Variants in NBPF26 observed in about 807,000 individuals in gnomAD.
The protein encoded by NBPF26 is NBPF member 26, also known as NBPF family member NBPF26.
A neutral mutation model predicts 119.6 loss-of-function variants in NBPF26; 79 were observed. The observed-to-expected ratio is 0.66, with a 90% CI of 0.55 to 0.80. The LOEUF (loss-of-function observed/expected upper bound fraction) is 0.80, where lower values mean the gene tolerates loss of function less well. Among genes scored for constraint, NBPF26 ranks in the 30% least tolerant of loss-of-function variants. The probability of loss-of-function intolerance (pLI) is 0.00; values close to 1 mark genes in which losing one functional copy is unlikely to be tolerated. For synonymous variants in NBPF26, 299 were observed against 457.7 expected, an observed-to-expected ratio of 0.65 and a Z score of 4.43; for missense variants, 800 against 1,198.2, an observed-to-expected ratio of 0.67 and a Z score of 4.91.
At chr1:120,793,296 A>G (rs1651514195) in exon 4 of NBPF26, 1 of 1,393,956 alleles carries the variant, frequency 7.2e-7, no homozygotes, top group Admixed American at 2.0e-5. Context: ...ACTGATGTCA[A>G]TGAGTGTGAC....
Position 120,815,274 on chromosome 1 carries a change from C to T in NBPF26, c.2092+231C>T, listed in dbSNP as rs1553271625. Among the ~76,000 whole-genome samples, 197 of 115,950 alleles carry T rather than the reference C, an allele frequency of 1.7e-3. 46 individuals carry two copies. Among genetic ancestry groups the T allele is most frequent in the Middle Eastern group, 0.011 (3 of 264 alleles). 76.1% of individuals were successfully genotyped at this position (115,950 alleles called of 152,430 possible). On this transcript the variant is annotated intron_variant, in intron 12 of 29. Coordinates refer to ENST00000620612, the Ensembl canonical transcript of NBPF26. The stretch of plus-strand genomic sequence containing the variant: ...CCTTGATGGAAGGTGGTCTTTGGAG[C>T]AAGAGGCAGCATCTATCTAGTTTTA...
chr1:120,808,395 T>C, intron 6 of NBPF26, 150 bp from the exon 7 acceptor site: 1 of 657,738 alleles, frequency 1.5e-6, no homozygotes, highest in Non-Finnish European at 2.6e-6. Context: ...TTCTATTCTT[T>C]CTCTTGGCCA....
At chr1:120,785,255 A>G (rs1651413008) in intron 3 of NBPF26, 22 bp downstream of exon 3, 1 of 1,443,398 alleles carries the variant, frequency 6.9e-7, no homozygotes, top group Non-Finnish European at 9.3e-7. Flanking sequence ...GACCAAAGCC[A>G]GTGCTTCCCT....
At position 120,788,089 on chromosome 1, in the gene NBPF26, G is replaced by A. The variant is rs1264439630; in HGVS notation, c.415+2856G>A. On this transcript the variant is annotated intron_variant, in intron 3 of 29. Coordinates refer to ENST00000620612, the Ensembl canonical transcript of NBPF26. The stretch of plus-strand genomic sequence containing the variant: ...TCCAGGCGGGACCATTTGTAGTCCC[G>A]CCTGGATTGGGCTGTTGTAGTTGCC... 4.9e-5 allele frequency among the ~76,000 whole-genome samples: 3 copies of A among 60,866 alleles called. 1 individual carries two copies. Among genetic ancestry groups the A allele is most frequent in the African/African-American group, 1.7e-4 (1 of 6,038 alleles). The allele number at this position is 60,866 out of a possible 152,430, so 39.9% of individuals were successfully genotyped here. A position where few individuals can be genotyped will look rare whatever the true frequency, so the allele number is the denominator to read the frequency against.
chr1:120,784,740 G>A (rs1415817356), intron 2 of NBPF26, among the ~76,000 whole-genome samples: 1 of 117,854 alleles, frequency 8.5e-6, no homozygotes, highest in Admixed American at 8.1e-5. Flanking sequence ...CTATTAGAAT[G>A]TAAACTCCAA....
intron 17 of NBPF26, 137 bp from the exon 18 acceptor site, chr1:120,823,837 C>A (rs1652192515): frequency 3.0e-5 from 17 of 564,516 alleles, no homozygotes; most frequent in Non-Finnish European, 5.4e-5. Flanking sequence ...AACATAAAGG[C>A]AATAATCTGT....
intron 2 of NBPF26, among the ~76,000 whole-genome samples, chr1:120,769,589 C>T (rs1651237689): frequency 8.2e-6 from 1 of 121,978 alleles, no homozygotes; most frequent in Admixed American, 7.8e-5. Context: ...TTTTTTGGCT[C>T]ATTAAATACC....
chr1:120,818,592 T>C (rs1177257470), intron 15 of NBPF26, among the ~76,000 whole-genome samples: 1 of 126,826 alleles, frequency 7.9e-6, no homozygotes, highest in Admixed American at 7.6e-5. Flanking sequence ...CAATTTTAGG[T>C]CTTTTCTGCT....
At chr1:120,824,029 G>C in exon 18 of NBPF26, 1 of 627,970 alleles carries the variant, frequency 1.6e-6, no homozygotes, top group Non-Finnish European at 2.7e-6. Flanking sequence ...GGACTCACTG[G>C]ATAGATGTTA....
At chr1:120,792,516 T>G (rs1651502901) in intron 3 of NBPF26, among the ~76,000 whole-genome samples, 1 of 110,806 alleles carries the variant, frequency 9.0e-6, no homozygotes, top group Admixed American at 8.7e-5. Flanking sequence ...ATTTTTTTTT[T>G]TTTGAAATAG....
rs1411828344 is a variant in NBPF26, at chr1:120,768,586, A to T, written c.155+4877A>T. On this transcript the variant is annotated intron_variant, in intron 2 of 29. Coordinates refer to ENST00000620612, the Ensembl canonical transcript of NBPF26. ...CACACTCTTCCTCTTCTGCTGCATG[A>T]ACTGGGGTGTACCTTCACGATAAAA... Among the ~76,000 whole-genome samples, 2 of 109,312 alleles carry T rather than the reference A, an allele frequency of 1.8e-5. 1 individual carries two copies. The highest frequency in any genetic ancestry group is 3.4e-5 in the Non-Finnish European group (2 of 58,902). The allele number at this position is 109,312 out of a possible 152,430, so 71.7% of individuals were successfully genotyped here.
rs1294820929 is a variant in NBPF26, at chr1:120,838,473, A to T, written c.3822-272A>T. ...ACTCCCTCATCAGTGTGTCACCTGGACAATTCACTGAGCTCGTTCTCTCTC... is the reference window on the plus strand; with the variant it reads ...ACTCCCTCATCAGTGTGTCACCTGGTCAATTCACTGAGCTCGTTCTCTCTC... On this transcript the variant is annotated intron_variant, in intron 27 of 29. Transcript: ENST00000620612. Among the ~76,000 whole-genome samples the T allele has an allele frequency of 2.9e-3, 179 of 60,902 alleles. 4 individuals are homozygous for T. The highest frequency in any genetic ancestry group is 0.013 in the African/African-American group (168 of 12,548). The allele number at this position is 60,902 out of a possible 152,430, so 40.0% of individuals were successfully genotyped here. A position where few individuals can be genotyped will look rare whatever the true frequency, so the allele number is the denominator to read the frequency against.
intron 4 of NBPF26, 72 bp from the exon 5 acceptor site, chr1:120,805,484 C>G (rs1219983930): frequency 7.5e-7 from 1 of 1,341,574 alleles, no homozygotes; most frequent in East Asian, 2.3e-5. Context: ...ACTGACATCC[C>G]TCAGTCCTGA....
Position 120,810,866 on chromosome 1 carries a change from A to T in NBPF26, c.1564+308A>T, listed in dbSNP as rs1237624012. 9.3e-5 allele frequency among the ~76,000 whole-genome samples: 10 copies of T among 107,686 alleles called. 3 individuals carry two copies. Among genetic ancestry groups the T allele is most frequent in the South Asian group, 5.3e-4 (2 of 3,772 alleles). 70.6% of individuals were successfully genotyped at this position (107,686 alleles called of 152,430 possible). ...CTGCTCAGGAGACTTAGGTGGGAGG[A>T]TGGGCTGAGATGATCCTCCCACTCT... On this transcript the variant is annotated intron_variant, in intron 9 of 29. Coordinates refer to ENST00000620612, the Ensembl canonical transcript of NBPF26.
In NBPF26 at chr1:120,767,177, T is replaced by TA. The variant is rs1651203722; in HGVS notation, c.155+3475dup. Among the ~76,000 whole-genome samples the TA allele has an allele frequency of 3.5e-5, 4 of 114,246 alleles. 2 individuals are homozygous for TA. Among genetic ancestry groups the TA allele is most frequent in the Non-Finnish European group, 6.6e-5 (4 of 60,308 alleles). The allele number at this position is 114,246 out of a possible 152,430, so 74.9% of individuals were successfully genotyped here. On this transcript the variant is annotated intron_variant, in intron 2 of 29. Transcript: ENST00000620612. ...TAAATATTAAAACACTTAGAAGATT[T>TA]AAAAAAATTCTATCAGGCATGCAGG...
At chr1:120,811,760 A>T in intron 9 of NBPF26, 126 bp from the exon 10 acceptor site, 1 of 608,154 alleles carries the variant, frequency 1.6e-6, no homozygotes. Flanking sequence ...AGATGACAAG[A>T]GTGAAACCAG....
intron 15 of NBPF26, among the ~76,000 whole-genome samples, chr1:120,819,041 C>T (rs1407440636): frequency 1.7e-5 from 2 of 120,896 alleles, no homozygotes; most frequent in Non-Finnish European, 3.3e-5. Flanking sequence ...CCTTGTTAAG[C>T]TTCTGTCTCA....
intron 1 of NBPF26, among the ~76,000 whole-genome samples, chr1:120,724,818 A>C (rs1373322795): frequency 4.3e-5 from 4 of 93,404 alleles, no homozygotes; most frequent in Admixed American, 1.0e-4. Flanking sequence ...AACCCCACCG[A>C]AAGTCCGGGG....
intron 2 of NBPF26, among the ~76,000 whole-genome samples, chr1:120,781,820 A>C (rs2101446486): frequency 8.5e-6 from 1 of 117,602 alleles, no homozygotes; most frequent in South Asian, 2.5e-4. Context: ...GGCCTCCCAA[A>C]GTGCTGAGAT....
Sources: allele counts gnomAD v4.1 joint callset (sites outside exome capture counted in the v4.1 genomes callset), GRCh38; gene constraint gnomAD v4.1.1; transcripts MANE v1.5; gene names NCBI Gene and HGNC (gene_info 2026-07-23, HGNC 2026-07-21).